The following UNC5D variants were observed in gnomAD, a reference collection of about 807,000 sequenced individuals.
UNC5D encodes unc-5 netrin receptor D.
Under a neutral mutation model 105.4 loss-of-function variants are expected in UNC5D, and 39 were observed. The observed-to-expected ratio is 0.37, with a 90% CI of 0.29 to 0.48. The LOEUF is 0.48. Ranked by LOEUF, UNC5D falls within the 20% of genes least tolerant of loss-of-function variation. UNC5D has a pLI of 0.98. For missense variants in UNC5D, 991 were observed against 1,202.4 expected, an observed-to-expected ratio of 0.82 and a Z score of 2.60; for synonymous variants, 452 against 450.4, an observed-to-expected ratio of 1.00 and a Z score of -0.04.
intron 1 of UNC5D, among the ~76,000 whole-genome samples, chr8:35,454,284 C>A (rs1290637163): frequency 6.6e-6 from 1 of 152,058 alleles, no homozygotes; most frequent in Admixed American, 6.6e-5. Context: ...AGAGAACCAT[C>A]CAGTAGAGGT....
At chr8:35,408,843 T>C (rs1804976080) in intron 1 of UNC5D, among the ~76,000 whole-genome samples, 1 of 152,074 alleles carries the variant, frequency 6.6e-6, no homozygotes, top group South Asian at 2.1e-4. Context: ...CATATAGCTC[T>C]ATGAATTTTG....
At chr8:35,293,673 T>C (rs148657847) in intron 1 of UNC5D, among the ~76,000 whole-genome samples, 99 of 152,340 alleles carry the variant, frequency 6.5e-4, no homozygotes, top group African/African-American at 2.2e-3. Context: ...GCACAACATC[T>C]GGACATAATT....
chr8:35,764,536 C>T (rs1176412898), intron 14 of UNC5D, among the ~76,000 whole-genome samples: 2 of 152,144 alleles, frequency 1.3e-5, no homozygotes, highest in Non-Finnish European at 2.9e-5. Flanking sequence ...TATGATGATA[C>T]AAGTGAAAAG....
intron 4 of UNC5D, among the ~76,000 whole-genome samples, chr8:35,634,761 T>G (rs895498610): frequency 2.0e-5 from 3 of 151,900 alleles, no homozygotes; most frequent in African/African-American, 7.3e-5. Context: ...TCTTTTCTTT[T>G]TTTTTTTTCT....
At chr8:35,422,221 T>A (rs1447088740) in intron 1 of UNC5D, among the ~76,000 whole-genome samples, 1 of 152,206 alleles carries the variant, frequency 6.6e-6, no homozygotes, top group Admixed American at 6.5e-5. Flanking sequence ...AGGCCAAAGT[T>A]GGACTGCTTA....
At chr8:35,634,706 A>G (rs1247205774) in intron 4 of UNC5D, among the ~76,000 whole-genome samples, 1 of 152,038 alleles carries the variant, frequency 6.6e-6, no homozygotes, top group Admixed American at 6.6e-5. Flanking sequence ...TTATAAGGTA[A>G]ATAAGGAAAT....
At chr8:35,574,975 A>G (rs1346072315) in intron 3 of UNC5D, among the ~76,000 whole-genome samples, 1 of 152,102 alleles carries the variant, frequency 6.6e-6, no homozygotes, top group Non-Finnish European at 1.5e-5. Flanking sequence ...CACAAAACCT[A>G]GTTTAGCAAA....
At position 35,793,860 on chromosome 8, in the gene UNC5D, C is replaced by G. The variant is rs1376044055; in HGVS notation, c.*3297C>G. ...ACACAGTTCTCTTTAAAGAGAAGAA[C>G]TTTTTTATTATTATTTTTATCTCCA... On this transcript the variant is annotated 3_prime_UTR_variant, in exon 17 of 17. Coordinates refer to ENST00000404895, the MANE Select transcript of UNC5D (RefSeq NM_080872.4). The G allele has an allele frequency of 1.3e-5, 2 of 152,170 alleles. No individual in the cohort carries two copies. The highest frequency in any genetic ancestry group is 2.4e-5 in the African/African-American group (1 of 41,426). 9.4% of individuals were successfully genotyped at this position (152,170 alleles called of 1,614,324 possible). A position where few individuals can be genotyped will look rare whatever the true frequency, so the allele number is the denominator to read the frequency against.
chr8:35,434,415 A>T (rs759477192), intron 1 of UNC5D, among the ~76,000 whole-genome samples: 50 of 151,696 alleles, frequency 3.3e-4, no homozygotes, highest in Middle Eastern at 3.4e-3. Flanking sequence ...GTAATTTTAA[A>T]TTTTTTTTTA....
At chr8:35,279,899 T>C (rs908974091) in intron 1 of UNC5D, among the ~76,000 whole-genome samples, 1 of 152,226 alleles carries the variant, frequency 6.6e-6, no homozygotes, top group Non-Finnish European at 1.5e-5. Flanking sequence ...TTCAGAATTC[T>C]GGCTACTCTT....
chr8:35,587,165 C>T (rs1464339086), intron 3 of UNC5D, among the ~76,000 whole-genome samples: 1 of 152,082 alleles, frequency 6.6e-6, no homozygotes, highest in Non-Finnish European at 1.5e-5. Flanking sequence ...TGATTCCAGG[C>T]ATTGTGGGTC....
At chr8:35,387,097 A>G (rs898966048) in intron 1 of UNC5D, among the ~76,000 whole-genome samples, 2 of 151,836 alleles carry the variant, frequency 1.3e-5, no homozygotes, top group Non-Finnish European at 2.9e-5. Context: ...GCAGTGGCTC[A>G]CACCTGTAAT....
intron 1 of UNC5D, among the ~76,000 whole-genome samples, chr8:35,499,418 C>G (rs1270684297): frequency 6.6e-6 from 1 of 152,156 alleles, no homozygotes; most frequent in African/African-American, 2.4e-5. Context: ...ACTTAACTGA[C>G]CGAATGACAG....
intron 11 of UNC5D, among the ~76,000 whole-genome samples, chr8:35,732,507 C>T (rs1260974835): frequency 1.3e-5 from 2 of 152,156 alleles, no homozygotes; most frequent in East Asian, 3.8e-4. Flanking sequence ...TTAGGTTAGT[C>T]ACTTAAGCAG....
At chr8:35,701,975 T>TGAAATAAATGAAAAAAGTGAA (rs1209389266) in intron 7 of UNC5D, among the ~76,000 whole-genome samples, 3 of 150,650 alleles carry the variant, frequency 2.0e-5, no homozygotes, top group Non-Finnish European at 4.4e-5. Flanking sequence ...AGGATAAAAA[T>TGAAATAAATGAAAAAAGTGAA]GAAATAAATG....
rs138122532 is a variant in UNC5D at position 35,236,241 on chromosome 8, G to A, written c.103+354G>A. Reference sequence around the variant, plus strand: ...TCCTCTCCACTTCCTCTCAAGCCGAGCTTGGTCATGAGTTAGCGCCCATAG... The same window carrying A: ...TCCTCTCCACTTCCTCTCAAGCCGAACTTGGTCATGAGTTAGCGCCCATAG... On this transcript the variant is annotated intron_variant, in intron 1 of 16. Coordinates refer to ENST00000404895, the MANE Select transcript of UNC5D (RefSeq NM_080872.4). 8.4e-3 allele frequency among the ~76,000 whole-genome samples: 1,275 copies of A among 152,338 alleles called. 12 individuals are homozygous for A. The highest frequency in any genetic ancestry group is 0.029 in the African/African-American group (1,198 of 41,592).
intron 2 of UNC5D, among the ~76,000 whole-genome samples, chr8:35,566,414 C>T (rs985273838): frequency 6.6e-6 from 1 of 152,144 alleles, no homozygotes; most frequent in Admixed American, 6.5e-5. Context: ...TATAGTGATG[C>T]TTCTATCCCC....
At chr8:35,401,689 C>G (rs1804475493) in intron 1 of UNC5D, among the ~76,000 whole-genome samples, 1 of 152,100 alleles carries the variant, frequency 6.6e-6, no homozygotes, top group Non-Finnish European at 1.5e-5. Context: ...GCAGCAGACA[C>G]CAGGCTAGAA....
chr8:35,760,665 C>T (rs904331523), intron 14 of UNC5D, among the ~76,000 whole-genome samples: 1 of 152,172 alleles, frequency 6.6e-6, no homozygotes, highest in African/African-American at 2.4e-5. Context: ...AAGCTTCTGG[C>T]GGACTCACAT....
Sources: gnomAD v4.1 joint callset for allele counts (sites outside exome capture counted in the v4.1 genomes callset) on GRCh38, gnomAD v4.1.1 for gene constraint, MANE v1.5 for transcripts, NCBI Gene and HGNC (gene_info 2026-07-23, HGNC 2026-07-21) for gene names.